The following MAGI3 variants were observed in gnomAD, a reference collection of about 807,000 sequenced individuals.
MAGI3 encodes the protein membrane associated guanylate kinase, WW and PDZ domain containing 3.
MAGI3 carries 43 observed loss-of-function variants against 121.8 expected under a neutral mutation model. The observed-to-expected ratio is 0.35, with a 90% CI of 0.28 to 0.46. The LOEUF (loss-of-function observed/expected upper bound fraction) is 0.46. Among genes scored for constraint, MAGI3 ranks in the 20% least tolerant of loss-of-function variants. The pLI is 1.00. For synonymous variants in MAGI3, 553 were observed against 639.3 expected, an observed-to-expected ratio of 0.86 and a Z score of 2.04; for missense variants, 1,547 against 1,797.3, an observed-to-expected ratio of 0.86 and a Z score of 2.52.
At chr1:113,557,488 C>G (rs1321343245) in intron 2 of MAGI3, among the ~76,000 whole-genome samples, 1 of 152,130 alleles carries the variant, frequency 6.6e-6, no homozygotes, top group African/African-American at 2.4e-5. Context: ...CGCTCCTCAT[C>G]TCAGCTGATC....
intron 1 of MAGI3, among the ~76,000 whole-genome samples, chr1:113,398,965 CAG>C (rs1447066722): frequency 6.6e-6 from 1 of 152,030 alleles, no homozygotes. Flanking sequence ...TAGCAAGTGA[CAG>C]AAACGCTGTT....
intron 1 of MAGI3, among the ~76,000 whole-genome samples, chr1:113,503,711 T>G (rs756927086): frequency 1.3e-5 from 2 of 152,136 alleles, no homozygotes; most frequent in Non-Finnish European, 2.9e-5. Context: ...CTAAGAACAT[T>G]ACACTTAAAT....
At chr1:113,415,982 T>C (rs1652280996) in intron 1 of MAGI3, among the ~76,000 whole-genome samples, 1 of 137,470 alleles carries the variant, frequency 7.3e-6, no homozygotes, top group African/African-American at 2.5e-5. Flanking sequence ...AACATTTATA[T>C]ATATTAATTA....
At chr1:113,602,034 G>A (rs1043948180) in intron 6 of MAGI3, among the ~76,000 whole-genome samples, 19 of 151,976 alleles carry the variant, frequency 1.3e-4, no homozygotes, top group Non-Finnish European at 2.1e-4. Context: ...AGAACACATG[G>A]ACACAGGAAG....
intron 1 of MAGI3, among the ~76,000 whole-genome samples, chr1:113,489,150 C>CGGT (rs1203831235): frequency 6.6e-6 from 1 of 151,806 alleles, no homozygotes; most frequent in Non-Finnish European, 1.5e-5. Flanking sequence ...TAGTGACCAG[C>CGGT]GGTCTGGGAA....
chr1:113,423,550 C>T (rs1264485697), intron 1 of MAGI3, among the ~76,000 whole-genome samples: 2 of 152,100 alleles, frequency 1.3e-5, no homozygotes, highest in African/African-American at 2.4e-5. Context: ...GGATTACAGG[C>T]GTGAGCCACT....
At chr1:113,549,730 G>A in intron 2 of MAGI3, 99 bp downstream of exon 2, 2 of 609,242 alleles carry the variant, frequency 3.3e-6, no homozygotes, top group South Asian at 6.7e-5. Flanking sequence ...ACATGAAATT[G>A]TGAAGACTAA....
chr1:113,655,351 C>G (rs569973393), intron 15 of MAGI3, among the ~76,000 whole-genome samples: 4 of 152,098 alleles, frequency 2.6e-5, no homozygotes, highest in Non-Finnish European at 4.4e-5. Flanking sequence ...AAGATATTCC[C>G]TTTCTAGCAC....
chr1:113,423,240 GTATT>G (rs144961606), intron 1 of MAGI3, among the ~76,000 whole-genome samples: 21,298 of 133,010 alleles, frequency 0.16, 2,633 homozygotes, highest in East Asian at 0.66. Flanking sequence ...GTCCTGGTAA[GTATT>G]CGTTTTTTTT....
intron 1 of MAGI3, among the ~76,000 whole-genome samples, chr1:113,533,435 G>C (rs1007062676): frequency 2.6e-5 from 4 of 152,122 alleles, no homozygotes; most frequent in African/African-American, 9.7e-5. Context: ...GTCTCCTTCA[G>C]GGTGGAGGGT....
chr1:113,536,689 A>T (rs193077736), intron 1 of MAGI3, among the ~76,000 whole-genome samples: 57 of 152,192 alleles, frequency 3.7e-4, no homozygotes, highest in South Asian at 2.5e-3. Context: ...GGTTCCAGCT[A>T]ACATGACTGT....
chr1:113,571,275 A>C (rs558625976), intron 2 of MAGI3, among the ~76,000 whole-genome samples: 1 of 152,124 alleles, frequency 6.6e-6, no homozygotes, highest in Non-Finnish European at 1.5e-5. Flanking sequence ...TACCAATACC[A>C]TATTGTTTTG....
At chr1:113,677,925 T>G (rs1647975719) in intron 19 of MAGI3, among the ~76,000 whole-genome samples, 1 of 152,210 alleles carries the variant, frequency 6.6e-6, no homozygotes, top group Non-Finnish European at 1.5e-5. Context: ...CCTCTGAATT[T>G]CCCTCTCAGA....
chr1:113,486,411 T>C (rs1478959527), intron 1 of MAGI3, among the ~76,000 whole-genome samples: 1 of 152,180 alleles, frequency 6.6e-6, no homozygotes, highest in African/African-American at 2.4e-5. Context: ...GTTTTCCTTG[T>C]AGAGGTCTTT....
intron 6 of MAGI3, among the ~76,000 whole-genome samples, chr1:113,599,169 C>G (rs891754397): frequency 6.6e-6 from 1 of 151,940 alleles, no homozygotes; most frequent in Non-Finnish European, 1.5e-5. Flanking sequence ...ACTAGAAAAG[C>G]AAGAGCAAAC....
intron 9 of MAGI3, among the ~76,000 whole-genome samples, chr1:113,632,182 AT>A (rs1359292289): frequency 2.0e-5 from 3 of 152,126 alleles, no homozygotes; most frequent in Admixed American, 1.3e-4. Context: ...AAAGAAAATT[AT>A]TTTTTTCTAC....
rs1037934783 is a variant in MAGI3 at position 113,658,831 on chromosome 1, G to A, written c.2630-249G>A. 6.6e-6 allele frequency among the ~76,000 whole-genome samples: 1 copy of A among 152,184 alleles called. No homozygotes were observed. The highest frequency in any genetic ancestry group is 2.4e-5 in the African/African-American group (1 of 41,438). Reference sequence around the variant, plus strand: ...AAAAATTAGAAAAAGGTTTCTGGTAGGTAGAAAATAGCAAAGAGGTTTATA... The same window carrying A: ...AAAAATTAGAAAAAGGTTTCTGGTAAGTAGAAAATAGCAAAGAGGTTTATA... On this transcript the variant is annotated intron_variant, in intron 15 of 20. Transcript: ENST00000307546. This position sits in a 1 kb window ranked among gnomAD's most constrained non-coding sequence, Gnocchi z 4.0.
chr1:113,413,850 C>T (rs1652145521), intron 1 of MAGI3, among the ~76,000 whole-genome samples: 1 of 152,128 alleles, frequency 6.6e-6, no homozygotes, highest in South Asian at 2.1e-4. Flanking sequence ...TTCCTCATTT[C>T]CTAATTGGAT....
rs1218439178 is a variant in MAGI3, at chr1:113,449,722, A to C, written c.316+58373A>C. On this transcript the variant is annotated intron_variant, in intron 1 of 20. Coordinates refer to ENST00000307546, the MANE Select transcript of MAGI3 (RefSeq NM_001142782.2). ...AAAATGGAGGGCCATGATCCAAAGG[A>C]ACCAGAGAAGTTGAGAAAACTGTTT... 1.6e-5 allele frequency: 14 copies of C among 895,800 alleles called. No homozygotes were observed. The African/African-American group carries it at 1.9e-4, about 12-fold the overall frequency. The allele number at this position is 895,800 out of a possible 1,614,324, so 55.5% of individuals were successfully genotyped here. A position where few individuals can be genotyped will look rare whatever the true frequency, so the allele number is the denominator to read the frequency against.
Sources: allele counts gnomAD v4.1 joint callset (sites outside exome capture counted in the v4.1 genomes callset), GRCh38; gene constraint gnomAD v4.1.1; non-coding constraint Gnocchi (gnomAD v3.1); transcripts MANE v1.5; gene names NCBI Gene and HGNC (gene_info 2026-07-23, HGNC 2026-07-21).